MYO18B: variants seen among roughly 807,000 people sequenced by gnomAD.
MYO18B encodes unconventional myosin-XVIIIb.
In MYO18B, 204 loss-of-function variants were observed where a neutral mutation model predicts 273.0. The observed-to-expected ratio is 0.75, with a 90% CI of 0.67 to 0.84. The LOEUF is 0.84. Among genes scored for constraint, MYO18B ranks in the 40% least tolerant of loss-of-function variants. MYO18B has a pLI of 0.00. For synonymous variants in MYO18B, 1,330 were observed against 1,305.7 expected, an observed-to-expected ratio of 1.02 and a Z score of -0.40; for missense variants, 3,212 against 3,287.6, an observed-to-expected ratio of 0.98 and a Z score of 0.56.
chr22:25,956,467 C>T (rs548359303), intron 39 of MYO18B, among the ~76,000 whole-genome samples: 10 of 152,292 alleles, frequency 6.6e-5, no homozygotes, highest in African/African-American at 9.6e-5. Flanking sequence ...CTGCCCACTT[C>T]GGCCACCCAA....
intron 21 of MYO18B, among the ~76,000 whole-genome samples, chr22:25,853,891 C>T (rs903790573): frequency 5.3e-5 from 8 of 152,034 alleles, no homozygotes; most frequent in Admixed American, 1.3e-4. Context: ...TTGGTAGCAA[C>T]GAAAAGAAAC....
At chr22:25,990,469 T>C (rs548959328) in intron 39 of MYO18B, among the ~76,000 whole-genome samples, 1 of 152,054 alleles carries the variant, frequency 6.6e-6, no homozygotes, top group South Asian at 2.1e-4. Context: ...GTGAATCACT[T>C]GAGGTCAGGA....
At chr22:25,936,842 G>A (rs1336508312) in intron 34 of MYO18B, among the ~76,000 whole-genome samples, 1 of 151,930 alleles carries the variant, frequency 6.6e-6, no homozygotes, top group Admixed American at 6.6e-5. Context: ...TCTTCTAAGG[G>A]CACGAATCTC....
chr22:25,963,229 G>T (rs911964912), intron 39 of MYO18B, among the ~76,000 whole-genome samples: 1 of 150,694 alleles, frequency 6.6e-6, no homozygotes, highest in Non-Finnish European at 1.5e-5. Flanking sequence ...GACTCAGGTT[G>T]GGAGGAGGGT....
intron 34 of MYO18B, among the ~76,000 whole-genome samples, chr22:25,930,873 C>A (rs1034973194): frequency 6.6e-6 from 1 of 152,158 alleles, no homozygotes; most frequent in Non-Finnish European, 1.5e-5. Flanking sequence ...ACACTGTGAG[C>A]TCCCAGCAGT....
intron 17 of MYO18B, among the ~76,000 whole-genome samples, chr22:25,838,463 G>A (rs1407209677): frequency 6.6e-6 from 1 of 152,190 alleles, no homozygotes. Context: ...GCCTCCCAAA[G>A]TGCTAGGATT....
intron 37 of MYO18B, among the ~76,000 whole-genome samples, chr22:25,951,283 CACTT>C (rs1048621898): frequency 3.3e-5 from 5 of 152,224 alleles, no homozygotes; most frequent in African/African-American, 1.2e-4. Context: ...TCTCCCTGGG[CACTT>C]ACTTATACTT....
At chr22:25,956,424 C>G (rs1453478192) in intron 39 of MYO18B, among the ~76,000 whole-genome samples, 7 of 152,124 alleles carry the variant, frequency 4.6e-5, no homozygotes, top group Non-Finnish European at 1.5e-5. Flanking sequence ...CTTTGTGGCC[C>G]AGGCTGGTCT....
intron 17 of MYO18B, among the ~76,000 whole-genome samples, chr22:25,835,984 T>C (rs2748219): frequency 0.44 from 67,028 of 152,014 alleles, 16,264 homozygotes; most frequent in African/African-American, 0.65. Context: ...GAAAGTTCCC[T>C]GAGGTTGTAG....
At chr22:25,774,466 T>C (rs918836010) in intron 7 of MYO18B, among the ~76,000 whole-genome samples, 1 of 152,216 alleles carries the variant, frequency 6.6e-6, no homozygotes, top group East Asian at 1.9e-4. Flanking sequence ...CAGGTCCTCA[T>C]TGGCCATCCT....
chr22:25,752,377 C>A (rs986967324), intron 1 of MYO18B, among the ~76,000 whole-genome samples: 38 of 150,922 alleles, frequency 2.5e-4, no homozygotes, highest in Non-Finnish European at 5.2e-4. Flanking sequence ...TTAGTAGAGA[C>A]GGGGTTTCAC....
rs777913069 is a variant in MYO18B, at chr22:25,876,192, C to T, written c.4084C>T (p.Arg1362Cys). 1.7e-5 allele frequency: 28 copies of T among 1,609,684 alleles called. No homozygotes were observed. Among genetic ancestry groups the T allele is most frequent in the East Asian group, 2.2e-5 (1 of 44,708 alleles). Residue 1362 changes from arginine (R) to cysteine (C), a missense_variant, in exon 24 of 44, where the codon CGC becomes TGC. Arg to Cys is a radical substitution (Grantham distance 180, BLOSUM62 -3). Transcript: ENST00000335473. The part of the protein sequence containing the change: ...SRQEFKKLKI[R>C]RLAAQCIQKN... ...TCTGTGTTCTCCTTCCCTGCAGATTCGCCGACTGGCTGCACAGTGCATCCA... is the reference window on the plus strand; with the variant it reads ...TCTGTGTTCTCCTTCCCTGCAGATTTGCCGACTGGCTGCACAGTGCATCCA...
At chr22:25,948,275 A>G (rs1158548364) in intron 36 of MYO18B, among the ~76,000 whole-genome samples, 4 of 152,008 alleles carry the variant, frequency 2.6e-5, no homozygotes. Context: ...CCAGTCATCC[A>G]TCCATCTTTC....
chr22:25,919,374 C>A (rs1374628916), intron 33 of MYO18B, among the ~76,000 whole-genome samples: 1 of 152,202 alleles, frequency 6.6e-6, no homozygotes, highest in Non-Finnish European at 1.5e-5. Flanking sequence ...GCTGTGTGAT[C>A]TGAGGCAAAT....
chr22:25,946,826 C>T (rs536811944), intron 35 of MYO18B, among the ~76,000 whole-genome samples: 3 of 152,202 alleles, frequency 2.0e-5, no homozygotes, highest in Admixed American at 6.5e-5. Context: ...TCTCTTGGCC[C>T]GCTTAGGCTT....
chr22:25,856,182 A>G (rs2090568513), intron 21 of MYO18B, among the ~76,000 whole-genome samples: 1 of 152,220 alleles, frequency 6.6e-6, no homozygotes, highest in African/African-American at 2.4e-5. Context: ...CAAGTTCTCC[A>G]CATTCCTGCC....
At position 25,947,832 on chromosome 22, in the gene MYO18B, G is replaced by A. The variant is rs778607737; in HGVS notation, c.5748+4G>A. The stretch of plus-strand genomic sequence containing the variant: ...GCACAAGGACCTCATTGCTCAGGTA[G>A]TGAATGAGACCTTGGTGGAAGAAGC... On this transcript the variant is annotated splice_donor_region_variant and intron_variant, in intron 36 of 43. Coordinates refer to ENST00000335473, the MANE Select transcript of MYO18B (RefSeq NM_032608.7). 6.2e-7 allele frequency: 1 copy of A among 1,610,074 alleles called. No individual in the cohort carries two copies. The highest frequency in any genetic ancestry group is 2.2e-5 in the East Asian group (1 of 44,862).
At position 25,842,627 on chromosome 22, in the gene MYO18B, G is replaced by A. The variant is rs145776564; in HGVS notation, c.3209-1108G>A. On this transcript the variant is annotated intron_variant, in intron 17 of 43. Coordinates refer to ENST00000335473, the MANE Select transcript of MYO18B (RefSeq NM_032608.7). Reference sequence around the variant, plus strand: ...GTGGAGGTTGCAGTGTGCCGAGATCGCTCCATTGCACTCCAGCCTGGGTGA... The same window carrying A: ...GTGGAGGTTGCAGTGTGCCGAGATCACTCCATTGCACTCCAGCCTGGGTGA... 2.3e-3 allele frequency among the ~76,000 whole-genome samples: 326 copies of A among 142,262 alleles called. 7 individuals carry two copies. In the East Asian group the frequency reaches 0.049, roughly 21 times the overall value. 93.3% of individuals were successfully genotyped at this position (142,262 alleles called of 152,430 possible).
chr22:25,795,061 G>GCCTAT (rs1391979027), intron 11 of MYO18B, among the ~76,000 whole-genome samples: 1 of 152,210 alleles, frequency 6.6e-6, no homozygotes, highest in African/African-American at 2.4e-5. Flanking sequence ...TCTGTGAGAT[G>GCCTAT]CCTATATGTG....
Sources: allele counts gnomAD v4.1 joint callset (sites outside exome capture counted in the v4.1 genomes callset), GRCh38; gene constraint gnomAD v4.1.1; transcripts MANE v1.5; gene names NCBI Gene and HGNC (gene_info 2026-07-23, HGNC 2026-07-21).